Variants in ZNF174 observed in about 807,000 individuals in gnomAD.
ZNF174 encodes the protein zinc finger protein 174, also known as AW-1.
A neutral mutation model predicts 38.7 loss-of-function variants in ZNF174; 30 were observed. The ratio of observed to expected loss-of-function variants is 0.78; its 90% CI spans 0.58 to 1.05. The LOEUF is 1.05. ZNF174 is among the 50% of genes least tolerant of loss of function. The probability of loss-of-function intolerance (pLI) is 0.00; values close to 1 mark genes in which losing one functional copy is unlikely to be tolerated. For missense variants in ZNF174, 499 were observed against 495.6 expected (o/e 1.01, Z -0.06); for synonymous variants, 201 against 181.7 (o/e 1.11, Z -0.86).
At chr16:3,404,347 C>T (rs1477574905) in intron 1 of ZNF174, 79 bp from the exon 2 acceptor site, 36 of 1,395,846 alleles carry the variant, frequency 2.6e-5, no homozygotes, top group African/African-American at 5.8e-5. Flanking sequence ...CCAAGGTAAA[C>T]GGGTCATTAT....
At position 3,402,391 on chromosome 16, in the gene ZNF174, GA is replaced by G; in HGVS notation, c.390del (p.Lys130AsnfsTer58). 2 of 1,613,492 alleles carry G rather than the reference GA, an allele frequency of 1.2e-6. No homozygotes were observed. Among genetic ancestry groups the G allele is most frequent in the Non-Finnish European group, 1.7e-6 (2 of 1,179,844 alleles). ...TGGAAGATTTTCACAGAGCATCCAA[GA>G]AACCAAAGCAGTGGGTAAGGAGGGT... is the stretch of plus-strand genomic sequence containing the variant. ...LVEDFHRASKKPKQWVAVCMQ... is the reference protein window; with the variant it reads ...LVEDFHRASKXPKQWVAVCMQ... On this transcript the variant is annotated frameshift_variant, in exon 1 of 3. Coordinates refer to ENST00000268655, the MANE Select transcript of ZNF174 (RefSeq NM_003450.3). LOFTEE classifies it high-confidence loss of function.
chr16:3,405,310 G>C (rs1174504848), intron 2 of ZNF174, among the ~76,000 whole-genome samples: 1 of 152,210 alleles, frequency 6.6e-6, no homozygotes. Context: ...GTTTTAGTCT[G>C]TTCAGGCTGC....
intron 2 of ZNF174, among the ~76,000 whole-genome samples, chr16:3,405,620 A>AT (rs1411539219): frequency 6.6e-6 from 1 of 152,226 alleles, no homozygotes; most frequent in Non-Finnish European, 1.5e-5. Flanking sequence ...TTAGAATTTC[A>AT]TATGAATTTG....
rs368497793 is a variant in ZNF174 at position 3,408,655 on chromosome 16, C to G, written c.960C>G (p.Arg320=). The G allele has an allele frequency of 7.4e-6, 12 of 1,614,060 alleles. No homozygotes were observed. In the African/African-American group the frequency reaches 1.6e-4, roughly 22 times the overall value. ...AACATCTTGGTCACCAGCCCACCCG[C>G]TCAGCAAAGAAACCCTACAAATGTG... ...RLQHLGHQPT[R]SAKKPYKCDD... The change falls in exon 3 of 3, where the codon CGC becomes CGG. Residue 320 remains arginine (R), a synonymous_variant. Transcript: ENST00000268655.
intron 1 of ZNF174, among the ~76,000 whole-genome samples, chr16:3,403,551 A>C (rs923354152): frequency 6.7e-6 from 1 of 148,336 alleles, no homozygotes; most frequent in African/African-American, 2.5e-5. Flanking sequence ...CAGTGGCACG[A>C]TCTCAGCTCG....
chr16:3,408,283 C>A, intron 2 of ZNF174, 38 bp from the exon 3 acceptor site: 1 of 1,523,916 alleles, frequency 6.6e-7, no homozygotes, highest in South Asian at 1.3e-5. Flanking sequence ...TTATTTCTTC[C>A]AAGTGCAGAA....
intron 1 of ZNF174, 67 bp from the exon 2 acceptor site, chr16:3,404,359 C>G: frequency 6.8e-7 from 1 of 1,474,930 alleles, no homozygotes; most frequent in Non-Finnish European, 9.1e-7. Flanking sequence ...GGTCATTATA[C>G]AACAGTGAGA....
At position 3,404,406 on chromosome 16, in the gene ZNF174, TG is replaced by T; in HGVS notation, c.403-18del. On this transcript the variant is annotated intron_variant, in intron 1 of 2. Transcript: ENST00000268655. The stretch of plus-strand genomic sequence containing the variant: ...CCTCAGTCCTGATGGATGGAATTAA[TG>T]GATGGGGCTTGTTCCTAGGTGGCCG... 1.3e-6 allele frequency: 2 copies of T among 1,578,112 alleles called. No homozygotes were observed. Among genetic ancestry groups the T allele is most frequent in the Non-Finnish European group, 1.7e-6 (2 of 1,159,782 alleles).
Position 3,406,606 on chromosome 16 carries a change from C to G in ZNF174, c.626-1715C>G, listed in dbSNP as rs945093638. The stretch of plus-strand genomic sequence containing the variant: ...GTGTGGAAAAATATCTGTTCAGATC[C>G]TTTGGTCATTTTTAAATTAGGTTAT... On this transcript the variant is annotated intron_variant, in intron 2 of 2. Transcript: ENST00000268655. Among the ~76,000 whole-genome samples, 9 of 152,076 alleles carry G rather than the reference C, an allele frequency of 5.9e-5. No individual in the cohort carries two copies. The East Asian group carries it at 9.6e-4, about 16-fold the overall frequency.
At chr16:3,406,324 T>A (rs1489162461) in intron 2 of ZNF174, among the ~76,000 whole-genome samples, 1 of 152,232 alleles carries the variant, frequency 6.6e-6, no homozygotes, top group Non-Finnish European at 1.5e-5. Context: ...AATTACCATA[T>A]GCTAGGTCAT....
chr16:3,405,012 C>T (rs2034035185), intron 2 of ZNF174: 3 of 1,607,154 alleles, frequency 1.9e-6, no homozygotes, highest in East Asian at 4.5e-5. Flanking sequence ...TTAGAGGGGC[C>T]TGGTAGAAAT....
At chr16:3,402,730 C>T (rs915930926) in intron 1 of ZNF174, among the ~76,000 whole-genome samples, 9 of 152,046 alleles carry the variant, frequency 5.9e-5, no homozygotes, top group Non-Finnish European at 7.4e-5. Flanking sequence ...AGTGCTGGGA[C>T]TACAGGTGTG....
At position 3,408,405 on chromosome 16, in the gene ZNF174, G is replaced by A; in HGVS notation, c.710G>A (p.Gly237Asp). The change falls in exon 3 of 3, where the codon GGC becomes GAC. Residue 237 changes from glycine to aspartate, a missense_variant. Gly to Asp is a moderately conservative substitution (Grantham distance 94). Transcript: ENST00000268655. ...KGAKPCAVSA[G>D]RSKGNGLQNP... Reference sequence around the variant, plus strand: ...GCAAAGCCATGTGCAGTGTCAGCTGGCAGATCCAAAGGGAATGGTCTGCAG... The same window carrying A: ...GCAAAGCCATGTGCAGTGTCAGCTGACAGATCCAAAGGGAATGGTCTGCAG... 1 of 1,614,178 alleles carries A rather than the reference G, an allele frequency of 6.2e-7. No homozygotes were observed. Among genetic ancestry groups the A allele is most frequent in the Non-Finnish European group, 8.5e-7 (1 of 1,180,022 alleles).
Position 3,402,150 on chromosome 16 carries a change from TCA to T in ZNF174, c.147_148del (p.Phe49LeufsTer118). ...GATCCTGAGCTCTGCCGCCAGAGCT[TCA>T]GACGCTTTTGTTATCAAGAGGTGTC... On this transcript the variant is annotated frameshift_variant, in exon 1 of 3. Transcript: ENST00000268655. LOFTEE classifies it high-confidence loss of function. 1 of 1,614,140 alleles carries T rather than the reference TCA, an allele frequency of 6.2e-7. No individual in the cohort carries two copies. Among genetic ancestry groups the T allele is most frequent in the Non-Finnish European group, 8.5e-7 (1 of 1,180,018 alleles).
chr16:3,402,461 T>TTC (rs1158923375), intron 1 of ZNF174, 55 bp downstream of exon 1: 3 of 1,524,878 alleles, frequency 2.0e-6, no homozygotes, highest in East Asian at 2.3e-5. Flanking sequence ...TTCTTTTTTT[T>TTC]TTTTTTTCTT....
At position 3,401,750 on chromosome 16, in the gene ZNF174, A is replaced by G. The variant is rs1596252740; in HGVS notation, c.-255A>G. The G allele has an allele frequency of 6.7e-6, 3 of 449,018 alleles. No homozygotes were observed. In the Admixed American group the frequency reaches 1.3e-4, roughly 19 times the overall value. 27.8% of individuals were successfully genotyped at this position (449,018 alleles called of 1,614,324 possible). A position where few individuals can be genotyped will look rare whatever the true frequency, so the allele number is the denominator to read the frequency against. On this transcript the variant is annotated 5_prime_UTR_variant, in exon 1 of 3. It removes an upstream start codon present in the reference 5' UTR. Transcript: ENST00000268655. Reference sequence around the variant, plus strand: ...TTCCCCAGAGTCCTTTTAGGACGTTATGACTTTTCTCCTTTGCAAGACTGC... The same window carrying G: ...TTCCCCAGAGTCCTTTTAGGACGTTGTGACTTTTCTCCTTTGCAAGACTGC...
At chr16:3,405,053 C>T (rs2150924132) in intron 2 of ZNF174, 10 of 1,583,040 alleles carry the variant, frequency 6.3e-6, no homozygotes, top group South Asian at 1.1e-5. Context: ...ATATCTTTGT[C>T]CTCCTCTGTG....
intron 1 of ZNF174, 133 bp downstream of exon 1, chr16:3,402,539 A>G: frequency 2.2e-6 from 2 of 890,658 alleles, no homozygotes; most frequent in Non-Finnish European, 1.6e-6. Flanking sequence ...GCTCACTGCA[A>G]GCTCCGCCTC....
intron 1 of ZNF174, among the ~76,000 whole-genome samples, chr16:3,403,271 G>GCAAT (rs2033991643): frequency 7.5e-6 from 1 of 133,976 alleles, no homozygotes; most frequent in African/African-American, 2.8e-5. Flanking sequence ...CCAGGTTCAA[G>GCAAT]CGATTCTCAG....
Sources: gnomAD v4.1 joint callset for allele counts (sites outside exome capture counted in the v4.1 genomes callset) on GRCh38, gnomAD v4.1.1 for gene constraint, MANE v1.5 for transcripts, NCBI Gene and HGNC (gene_info 2026-07-23, HGNC 2026-07-21) for gene names.